Variants in TRAF4 observed in about 807,000 individuals in gnomAD.
TRAF4 encodes the protein TNF receptor-associated factor 4.
Under a neutral mutation model 47.3 loss-of-function variants are expected in TRAF4, and 9 were observed. The ratio of observed to expected loss-of-function variants is 0.19; its 90% confidence interval spans 0.11 to 0.33. TRAF4 has a LOEUF of 0.33. Ranked by LOEUF, TRAF4 falls within the 10% of genes least tolerant of loss-of-function variation. TRAF4 has a pLI of 1.00. For synonymous variants in TRAF4, 236 were observed against 236.9 expected (o/e 1.00, Z 0.04); for missense variants, 448 against 620.3 (o/e 0.72, Z 2.95).
chr17:28,746,213 C>T (rs1331987872), intron 1 of TRAF4, among the ~76,000 whole-genome samples: 2 of 152,250 alleles, frequency 1.3e-5, no homozygotes, highest in Admixed American at 6.5e-5. Context: ...ACCTACCTGA[C>T]TCAGACCTGC....
rs747724036 is a variant in TRAF4, at chr17:28,749,249, A to G, written c.1085A>G (p.His362Arg). Residue 362 changes from histidine to arginine, a missense_variant, in exon 7 of 7, where the codon CAC becomes CGC. By Grantham distance (29) the His-to-Arg change is conservative (BLOSUM62 0). Coordinates refer to ENST00000262395, the MANE Select transcript of TRAF4 (RefSeq NM_004295.4). ...LNGNGSGEGTHLSLYIRVLPG... is the reference protein window; with the variant it reads ...LNGNGSGEGTRLSLYIRVLPG... Reference sequence around the variant, plus strand: ...GGCAATGGCAGTGGTGAGGGCACACACCTCTCACTGTACATTCGTGTGCTG... The same window carrying G: ...GGCAATGGCAGTGGTGAGGGCACACGCCTCTCACTGTACATTCGTGTGCTG... The G allele has an allele frequency of 6.2e-7, 1 of 1,613,984 alleles. No homozygotes were observed. Among genetic ancestry groups the G allele is most frequent in the Non-Finnish European group, 8.5e-7 (1 of 1,180,004 alleles).
At chr17:28,746,857 C>G (rs1304171479) in intron 1 of TRAF4, 1 of 202,940 alleles carries the variant, frequency 4.9e-6, no homozygotes, top group Non-Finnish European at 9.9e-6. Context: ...CAGCTTTCAG[C>G]GCAGCCAATG....
intron 1 of TRAF4, chr17:28,746,593 C>G (rs990925221): frequency 7.9e-5 from 12 of 152,380 alleles, no homozygotes; most frequent in African/African-American, 2.2e-4. Flanking sequence ...CTGTAAGCCT[C>G]TTCGTTTCAT....
At chr17:28,748,482 CT>C (rs1226000956) in intron 5 of TRAF4, 28 bp from the exon 6 acceptor site, 1 of 1,610,038 alleles carries the variant, frequency 6.2e-7, no homozygotes, top group African/African-American at 1.3e-5. Flanking sequence ...AGGATATTGA[CT>C]CCTGCCTCTC....
intron 1 of TRAF4, chr17:28,745,241 C>CGCTA: frequency 6.5e-6 from 1 of 152,680 alleles, no homozygotes; most frequent in African/African-American, 2.4e-5. Flanking sequence ...CTCGGTCCTC[C>CGCTA]GTAGCTCCTA....
Position 28,748,608 on chromosome 17 carries a change from A to T in TRAF4, c.722A>T (p.Asp241Val). 1 of 1,613,242 alleles carries T rather than the reference A, an allele frequency of 6.2e-7. No individual in the cohort carries two copies. Reference sequence around the variant, plus strand: ...GAGGACCTGCCAGGCCATCTGAAGGACAGCTGTAACACCGCCCTGGTGCTC... The same window carrying T: ...GAGGACCTGCCAGGCCATCTGAAGGTCAGCTGTAACACCGCCCTGGTGCTC... ...AREDLPGHLKDSCNTALVLCP... is the reference protein window; with the variant it reads ...AREDLPGHLKVSCNTALVLCP... Residue 241 changes from aspartate (D) to valine (V), a missense_variant, in exon 6 of 7, where the codon GAC (aspartate) becomes GTC (valine). Transcript: ENST00000262395.
At position 28,749,853 on chromosome 17, in the gene TRAF4, G is replaced by A. The variant is rs778127830; in HGVS notation, c.*276G>A. 1.4e-4 allele frequency: 102 copies of A among 706,774 alleles called. No homozygotes were observed. The East Asian group carries it at 1.6e-3, about 11-fold the overall frequency. The allele number at this position is 706,774 out of a possible 1,614,324, so 43.8% of individuals were successfully genotyped here. On this transcript the variant is annotated 3_prime_UTR_variant, in exon 7 of 7. Coordinates refer to ENST00000262395, the MANE Select transcript of TRAF4 (RefSeq NM_004295.4). Reference sequence around the variant, plus strand: ...GGTAGGGCAGACATGCCTTGGTGCCGGTCACACTCTACACGGACTGAGGTG... The same window carrying A: ...GGTAGGGCAGACATGCCTTGGTGCCAGTCACACTCTACACGGACTGAGGTG...
At chr17:28,746,939 G>A (rs535359666) in intron 1 of TRAF4, 3 of 373,948 alleles carry the variant, frequency 8.0e-6, no homozygotes, top group African/African-American at 2.1e-5. Flanking sequence ...TCCTGGGGGA[G>A]GGGGTGCCAG....
chr17:28,747,336 A>C lies in TRAF4; in HGVS notation c.195+72A>C. Reference sequence around the variant, plus strand: ...TTGGAGGCCGGAGCTGCTGGCAGCCAGTGGGCTCAGGGCCAGTGTCAACCA... The same window carrying C: ...TTGGAGGCCGGAGCTGCTGGCAGCCCGTGGGCTCAGGGCCAGTGTCAACCA... On this transcript the variant is annotated intron_variant, in intron 2 of 6. Coordinates refer to ENST00000262395, the MANE Select transcript of TRAF4 (RefSeq NM_004295.4). 3.2e-6 allele frequency: 5 copies of C among 1,564,960 alleles called. No homozygotes were observed. The South Asian group carries it at 5.8e-5, about 18-fold the overall frequency.
chr17:28,745,464 C>G (rs2034497287), intron 1 of TRAF4: 1 of 152,502 alleles, frequency 6.6e-6, no homozygotes, highest in Non-Finnish European at 1.5e-5. Context: ...GCCCCCCGAC[C>G]CCCCCACAGC....
At chr17:28,744,970 C>T (rs1374908867) in intron 1 of TRAF4, 2 of 152,368 alleles carry the variant, frequency 1.3e-5, no homozygotes, top group African/African-American at 2.4e-5. Flanking sequence ...TAGCCCTTGG[C>T]TCTTGGGCAT....
rs1209486230 is a variant in TRAF4 at position 28,748,389 on chromosome 17, A to G, written c.590A>G (p.Tyr197Cys). 1.2e-6 allele frequency: 2 copies of G among 1,612,178 alleles called. No individual in the cohort carries two copies. Among genetic ancestry groups the G allele is most frequent in the East Asian group, 2.2e-5 (1 of 44,800 alleles). The stretch of plus-strand genomic sequence containing the variant: ...CCCAAGCGCACTCAGCCCTGCACCT[A>G]CTGCACTAAGGAGTTCGTCTTTGAC... The part of the protein sequence containing the change: ...ECPKRTQPCT[Y>C]CTKEFVFDTI... The change falls in exon 5 of 7, where the codon TAC (tyrosine) becomes TGC (cysteine). Residue 197 changes from tyrosine (Y) to cysteine (C), a missense_variant. Coordinates refer to ENST00000262395, the MANE Select transcript of TRAF4 (RefSeq NM_004295.4).
In TRAF4 at chr17:28,748,592, C is replaced by T. The variant is rs904695366; in HGVS notation, c.706C>T (p.Pro236Ser). The T allele has an allele frequency of 3.7e-6, 6 of 1,613,286 alleles. No homozygotes were observed. The highest frequency in any genetic ancestry group is 1.3e-5 in the African/African-American group (1 of 75,038). The change falls in exon 6 of 7, where the codon CCA becomes TCA. Residue 236 changes from proline (P) to serine (S), a missense_variant. Pro to Ser is a moderately conservative substitution (Grantham distance 74). Coordinates refer to ENST00000262395, the MANE Select transcript of TRAF4 (RefSeq NM_004295.4). ...GGGCACTGTGGCTCGGGAGGACCTGCCAGGCCATCTGAAGGACAGCTGTAA... is the reference window on the plus strand; with the variant it reads ...GGGCACTGTGGCTCGGGAGGACCTGTCAGGCCATCTGAAGGACAGCTGTAA... ...GVGTVAREDL[P>S]GHLKDSCNTA... is the part of the protein sequence containing the mutation.
chr17:28,747,515 T>G (rs1414164459), intron 2 of TRAF4: 3 of 579,452 alleles, frequency 5.2e-6, no homozygotes, highest in Non-Finnish European at 3.0e-6. Context: ...AAGTGTTCCC[T>G]CCCCTTCCGG....
At chr17:28,747,013 C>A in intron 1 of TRAF4, 200 bp from the exon 2 acceptor site, 1 of 492,798 alleles carries the variant, frequency 2.0e-6, no homozygotes, top group Middle Eastern at 5.3e-4. Context: ...GCCCAGACCC[C>A]CCTTCCCAGG....
chr17:28,744,930 G>A (rs1240710839), intron 1 of TRAF4: 1 of 152,450 alleles, frequency 6.6e-6, no homozygotes, highest in Admixed American at 6.5e-5. Context: ...TGTTGTTACT[G>A]AACTCCCGCT....
At chr17:28,745,698 A>G (rs1359545701) in intron 1 of TRAF4, 1 of 151,574 alleles carries the variant, frequency 6.6e-6, no homozygotes, top group Non-Finnish European at 1.4e-5. Context: ...CCCATCCCCC[A>G]GTGCCTGAGC....
In TRAF4 at chr17:28,749,709, C is replaced by A. The variant is rs1002394627; in HGVS notation, c.*132C>A. 5.5e-6 allele frequency: 8 copies of A among 1,446,858 alleles called. No homozygotes were observed. Among genetic ancestry groups the A allele is most frequent in the Non-Finnish European group, 6.6e-6 (7 of 1,064,648 alleles). The allele number at this position is 1,446,858 out of a possible 1,614,324, so 89.6% of individuals were successfully genotyped here. On this transcript the variant is annotated 3_prime_UTR_variant, in exon 7 of 7. Coordinates refer to ENST00000262395, the MANE Select transcript of TRAF4 (RefSeq NM_004295.4). Reference sequence around the variant, plus strand: ...GGTTCTGTTACCCCATCCTCCCTCCCCCAGCCACCACCCTCAGGTGCCTCC... The same window carrying A: ...GGTTCTGTTACCCCATCCTCCCTCCACCAGCCACCACCCTCAGGTGCCTCC...
intron 1 of TRAF4, 98 bp from the exon 2 acceptor site, chr17:28,747,115 G>A: frequency 7.1e-7 from 1 of 1,406,638 alleles, no homozygotes; most frequent in Non-Finnish European, 9.8e-7. Flanking sequence ...TTGGGAACCG[G>A]TCTGGTGAGG....
Sources: gnomAD v4.1 joint callset for allele counts (sites outside exome capture counted in the v4.1 genomes callset) on GRCh38, gnomAD v4.1.1 for gene constraint, MANE v1.5 for transcripts, NCBI Gene and HGNC (gene_info 2026-07-23, HGNC 2026-07-21) for gene names.